The following SANBR variants were observed in gnomAD, a reference collection of about 807,000 sequenced individuals.
The protein encoded by SANBR is SANT and BTB domain regulator of class switch recombination.
A neutral mutation model predicts 101.8 loss-of-function variants in SANBR; 77 were observed. That is an observed-to-expected ratio of 0.76 (90% CI 0.63 to 0.91). SANBR has a LOEUF of 0.91. Among genes scored for constraint, SANBR ranks in the 40% least tolerant of loss-of-function variants. The pLI, the probability that SANBR is intolerant of heterozygous loss-of-function variation, is 0.00. For synonymous variants in SANBR, 279 were observed against 274.7 expected, an observed-to-expected ratio of 1.02 and a Z score of -0.15; for missense variants, 875 against 853.0, an observed-to-expected ratio of 1.03 and a Z score of -0.32.
At chr2:61,129,314 G>A (rs903913542) in intron 20 of SANBR, among the ~76,000 whole-genome samples, 2 of 151,646 alleles carry the variant, frequency 1.3e-5, no homozygotes, top group African/African-American at 4.8e-5. Context: ...TGTGGTGGCA[G>A]GCACCTGTAA....
chr2:61,076,286 T>A (rs1573591330), intron 5 of SANBR, among the ~76,000 whole-genome samples: 1 of 148,282 alleles, frequency 6.7e-6, no homozygotes, highest in East Asian at 2.1e-4. Flanking sequence ...AGCCACCGTG[T>A]GCGGCCATAA....
chr2:61,081,097 C>T (rs1682099454), intron 6 of SANBR, among the ~76,000 whole-genome samples: 2 of 152,208 alleles, frequency 1.3e-5, no homozygotes, highest in Non-Finnish European at 2.9e-5. Flanking sequence ...ATAACAAATG[C>T]TCTCATTAAT....
intron 13 of SANBR, among the ~76,000 whole-genome samples, chr2:61,104,540 T>C (rs1279883516): frequency 1.3e-5 from 2 of 150,664 alleles, no homozygotes; most frequent in Non-Finnish European, 3.0e-5. Context: ...TTAAATCCAA[T>C]GTGTGGTGGT....
chr2:61,131,528 A>T lies in SANBR; in HGVS notation c.2029-2609A>T, dbSNP rs185515033. Among the ~76,000 whole-genome samples, 424 of 152,358 alleles carry T rather than the reference A, an allele frequency of 2.8e-3. 1 individual carries two copies. The highest frequency in any genetic ancestry group is 9.5e-3 in the African/African-American group (395 of 41,588). Reference sequence around the variant, plus strand: ...CATTCAAATAAAATATTGTTGAAAGAAATTAACATCTAAATAAATGGAAAG... The same window carrying T: ...CATTCAAATAAAATATTGTTGAAAGTAATTAACATCTAAATAAATGGAAAG... On this transcript the variant is annotated intron_variant, in intron 20 of 21. Transcript: ENST00000295031.
intron 10 of SANBR, among the ~76,000 whole-genome samples, chr2:61,091,513 G>A (rs1682755977): frequency 6.6e-6 from 1 of 151,494 alleles, no homozygotes; most frequent in Admixed American, 6.6e-5. Context: ...AGAATCGCTT[G>A]AACCCAGCAG....
intron 8 of SANBR, among the ~76,000 whole-genome samples, chr2:61,087,924 T>TA (rs1243160331): frequency 6.6e-6 from 1 of 152,112 alleles, no homozygotes; most frequent in Non-Finnish European, 1.5e-5. Context: ...TCTTATTTTT[T>TA]ATGGGAAAAT....
intron 20 of SANBR, 27 bp from the exon 21 acceptor site, chr2:61,121,158 T>C (rs1272148465): frequency 2.1e-6 from 3 of 1,456,906 alleles, no homozygotes; most frequent in East Asian, 2.5e-5. Context: ...TCTGTGAAGA[T>C]AACAGTATTG....
At chr2:61,104,033 C>G in intron 13 of SANBR, 35 bp downstream of exon 13, 4 of 1,584,166 alleles carry the variant, frequency 2.5e-6, no homozygotes, top group Non-Finnish European at 3.5e-6. Flanking sequence ...TGTATTATAG[C>G]TTTATTCAGC....
chr2:61,068,253 C>G (rs1681283313), intron 1 of SANBR, among the ~76,000 whole-genome samples: 1 of 152,134 alleles, frequency 6.6e-6, no homozygotes, highest in Non-Finnish European at 1.5e-5. Flanking sequence ...TGCAAAAGGG[C>G]ATTACTTTTC....
rs901510582 is a variant in SANBR at position 61,091,421 on chromosome 2, G to A, written c.1089-1043G>A. 4.0e-5 allele frequency among the ~76,000 whole-genome samples: 6 copies of A among 151,772 alleles called. No homozygotes were observed. The South Asian group carries it at 8.3e-4, about 21-fold the overall frequency. The stretch of plus-strand genomic sequence containing the variant: ...AGCCTGGCCAATGTGGTAAAACCCC[G>A]TCTCTACTAAAAAAATACAAAAATT... On this transcript the variant is annotated intron_variant, in intron 10 of 21. Transcript: ENST00000402291.
chr2:61,073,358 C>T, intron 4 of SANBR, 100 bp from the exon 5 acceptor site: 1 of 490,436 alleles, frequency 2.0e-6, no homozygotes, highest in Non-Finnish European at 3.6e-6. Context: ...GGAAACCATG[C>T]ATTTACAGTA....
At position 61,122,475 on chromosome 2, in the gene SANBR, T is replaced by G. The variant is rs1451147596; in HGVS notation, c.*313T>G. On this transcript the variant is annotated 3_prime_UTR_variant, in exon 22 of 22. Transcript: ENST00000402291. The stretch of plus-strand genomic sequence containing the variant: ...TTATTTGAAAAAGAAAGGCCTAAAC[T>G]GTCAGGTAGCCAAGTTTTTTTAAGA... The G allele has an allele frequency of 2.2e-5, 23 of 1,064,980 alleles. No individual in the cohort carries two copies. Among genetic ancestry groups the G allele is most frequent in the Non-Finnish European group, 2.5e-5 (22 of 882,612 alleles). 66.0% of individuals were successfully genotyped at this position (1,064,980 alleles called of 1,614,324 possible).
In SANBR at chr2:61,071,715, A is replaced by G; in HGVS notation, c.260A>G (p.Tyr87Cys). ...AGTCCTGTTGAAACTTTAGCCACAT[A>G]TATCAAATCCTCACTTCTTGACATA... ...GESPVETLAT[Y>C]IKSSLLDIHG... The change falls in exon 4 of 22, where the codon TAT becomes TGT. Residue 87 changes from tyrosine to cysteine, a missense_variant. Tyr to Cys is a radical substitution (Grantham distance 194, BLOSUM62 -2). Transcript: ENST00000402291. 1 of 1,608,616 alleles carries G rather than the reference A, an allele frequency of 6.2e-7. No individual in the cohort carries two copies. Among genetic ancestry groups the G allele is most frequent in the Non-Finnish European group, 8.5e-7 (1 of 1,178,254 alleles).
intron 5 of SANBR, among the ~76,000 whole-genome samples, chr2:61,075,765 T>G (rs937459253): frequency 6.6e-6 from 1 of 151,862 alleles, no homozygotes; most frequent in Admixed American, 6.6e-5. Context: ...CAAACTGTTT[T>G]GCTGTTAAAA....
chr2:61,066,131 C>G (rs1573572439), intron 1 of SANBR, 104 bp downstream of exon 1: 1 of 152,208 alleles, frequency 6.6e-6, no homozygotes, highest in African/African-American at 2.4e-5. Context: ...GGCTTCCCAC[C>G]CCGGGCGGGG....
chr2:61,103,180 A>T (rs1475515152), intron 12 of SANBR, among the ~76,000 whole-genome samples: 1 of 150,540 alleles, frequency 6.6e-6, no homozygotes, highest in Non-Finnish European at 1.5e-5. Flanking sequence ...CTATCGCCCA[A>T]GCTGGAGTGC....
At chr2:61,134,384 C>A in intron 21 of SANBR, 1 of 1,098,684 alleles carries the variant, frequency 9.1e-7, no homozygotes, top group Non-Finnish European at 1.3e-6. Flanking sequence ...GTTATTCCCC[C>A]ACCTAGATGG....
At chr2:61,126,273 T>C (rs1684510265), downstream of SANBR, among the ~76,000 whole-genome samples, 1 of 152,206 alleles carries the variant, frequency 6.6e-6, no homozygotes, top group African/African-American at 2.4e-5. Flanking sequence ...ATTCAATTTA[T>C]CAGCAAGTCC....
At chr2:61,095,972 T>C (rs911228697) in intron 11 of SANBR, among the ~76,000 whole-genome samples, 1 of 152,144 alleles carries the variant, frequency 6.6e-6, no homozygotes, top group East Asian at 1.9e-4. Flanking sequence ...CCAGTGGTAC[T>C]GCCCCCTCTT....
Sources: allele counts gnomAD v4.1 joint callset (sites outside exome capture counted in the v4.1 genomes callset), GRCh38; gene constraint gnomAD v4.1.1; transcripts MANE v1.5; gene names NCBI Gene and HGNC (gene_info 2026-07-23, HGNC 2026-07-21).